Variants in USP37 observed in about 807,000 individuals in gnomAD.
The protein encoded by USP37 is ubiquitin specific peptidase 37.
USP37 carries 27 observed loss-of-function variants against 124.0 expected under a neutral mutation model. That is an observed-to-expected ratio of 0.22 (90% confidence interval 0.16 to 0.30). The LOEUF is 0.30. USP37 is among the 10% of genes least tolerant of loss of function. USP37 has a pLI of 1.00. For missense variants in USP37, 889 were observed against 1,140.4 expected (o/e 0.78, Z 3.17); for synonymous variants, 365 against 388.0 (o/e 0.94, Z 0.70).
At position 218,451,538 on chromosome 2, in the gene USP37, T is replaced by C. The variant is rs530286746; in HGVS notation, c.*3392A>G. 1 of 150,180 alleles carries C rather than the reference T, an allele frequency of 6.7e-6. No individual in the cohort carries two copies. The highest frequency in any genetic ancestry group is 2.0e-4 in the East Asian group (1 of 5,114). 9.3% of individuals were successfully genotyped at this position (150,180 alleles called of 1,614,324 possible). A position where few individuals can be genotyped will look rare whatever the true frequency, so the allele number is the denominator to read the frequency against. On this transcript the variant is annotated 3_prime_UTR_variant, in exon 26 of 26. Coordinates refer to ENST00000258399, the MANE Select transcript of USP37 (RefSeq NM_020935.3). ...AATGAGTTTACAAACTACTTTTTTT[T>C]CTCTTTAATTTAGGTGTTTGCAGAT...
intron 8 of USP37, among the ~76,000 whole-genome samples, chr2:218,544,430 T>TATATATATAGAGAGAGAGAGAGAG (rs377397246): frequency 2.0e-5 from 1 of 50,818 alleles, no homozygotes; most frequent in African/African-American, 1.3e-4. Flanking sequence ...TATATATATA[T>TATATATATAGAGAGAGAGAGAGAG]AGAGAGAGAG....
chr2:218,558,892 T>G (rs1207895871), intron 3 of USP37, among the ~76,000 whole-genome samples: 1 of 152,002 alleles, frequency 6.6e-6, no homozygotes, highest in Non-Finnish European at 1.5e-5. Context: ...GCTAAAGACA[T>G]GTCAACAGGA....
rs565257215 is a variant in USP37, at chr2:218,482,079, T to A, written c.1826A>T (p.His609Leu). ...KPPFTLGWSA[H>L]MAISRPLKAS... Reference sequence around the variant, plus strand: ...TCTCTCAAGGACTTACATTGCCATATGTGCACTCCAACCAAGGGTAAAAGG... The same window carrying A: ...TCTCTCAAGGACTTACATTGCCATAAGTGCACTCCAACCAAGGGTAAAAGG... The change falls in exon 17 of 26, where the codon CAT becomes CTT. Residue 609 changes from histidine (H) to leucine (L), a missense_variant. Coordinates refer to ENST00000258399, the MANE Select transcript of USP37 (RefSeq NM_020935.3). The A allele has an allele frequency of 1.2e-5, 19 of 1,611,302 alleles. No homozygotes were observed. The highest frequency in any genetic ancestry group is 1.7e-5 in the Admixed American group (1 of 59,798).
intron 22 of USP37, among the ~76,000 whole-genome samples, chr2:218,462,649 C>A (rs1210828035): frequency 6.6e-6 from 1 of 152,016 alleles, no homozygotes; most frequent in Non-Finnish European, 1.5e-5. Context: ...GTAACAGTGG[C>A]AAAATTATAA....
intron 11 of USP37, among the ~76,000 whole-genome samples, chr2:218,501,606 A>C (rs546104415): frequency 1.2e-4 from 18 of 152,296 alleles, no homozygotes; most frequent in African/African-American, 4.3e-4. Flanking sequence ...GAGTCCTACT[A>C]TTACCCAGAT....
chr2:218,490,058 T>C (rs994910063), intron 14 of USP37, among the ~76,000 whole-genome samples: 1 of 152,100 alleles, frequency 6.6e-6, no homozygotes, highest in Non-Finnish European at 1.5e-5. Flanking sequence ...GCTTTAAAAA[T>C]TCTACATGTT....
At chr2:218,564,611 T>C (rs1438438863) in intron 1 of USP37, among the ~76,000 whole-genome samples, 1 of 152,194 alleles carries the variant, frequency 6.6e-6, no homozygotes, top group Admixed American at 6.5e-5. Context: ...AACTGAACTA[T>C]GCACTAGGTA....
At chr2:218,480,505 T>A (rs543118815) in intron 17 of USP37, among the ~76,000 whole-genome samples, 2 of 151,766 alleles carry the variant, frequency 1.3e-5, no homozygotes, top group South Asian at 2.1e-4. Context: ...TAGACAGCAC[T>A]GGAAATGAAG....
At chr2:218,465,316 T>C (rs977044929) in intron 21 of USP37, among the ~76,000 whole-genome samples, 2 of 151,044 alleles carry the variant, frequency 1.3e-5, no homozygotes, top group African/African-American at 4.9e-5. Context: ...GTGGCTCACA[T>C]CTGTAGTCCT....
intron 8 of USP37, among the ~76,000 whole-genome samples, chr2:218,544,207 C>T (rs1692166894): frequency 6.6e-6 from 1 of 151,416 alleles, no homozygotes; most frequent in Non-Finnish European, 1.5e-5. Flanking sequence ...TGGTGAAACC[C>T]TGTCTCTACT....
intron 7 of USP37, among the ~76,000 whole-genome samples, chr2:218,546,698 C>T (rs112849013): frequency 3.9e-4 from 60 of 152,244 alleles, no homozygotes; most frequent in African/African-American, 1.3e-3. Context: ...GGATTACAGG[C>T]GTGAGCTATC....
At chr2:218,548,396 A>T (rs1217453202) in intron 6 of USP37, among the ~76,000 whole-genome samples, 1 of 148,280 alleles carries the variant, frequency 6.7e-6, no homozygotes, top group Non-Finnish European at 1.5e-5. Flanking sequence ...GCTGGAGTGC[A>T]GTGGCACAAT....
At chr2:218,497,682 C>T (rs900443642) in intron 13 of USP37, 52 bp downstream of exon 13, 8 of 1,603,236 alleles carry the variant, frequency 5.0e-6, no homozygotes, top group Admixed American at 1.7e-5. Flanking sequence ...GAATTACAGA[C>T]GTGAGCCACC....
In USP37 at chr2:218,463,383, A is replaced by G. The variant is rs774427265; in HGVS notation, c.2467-17T>C. The G allele has an allele frequency of 6.2e-6, 10 of 1,612,850 alleles. No homozygotes were observed. In the South Asian group the frequency reaches 6.6e-5, roughly 11 times the overall value. On this transcript the variant is annotated splice_polypyrimidine_tract_variant and intron_variant, in intron 21 of 25. Coordinates refer to ENST00000258399, the MANE Select transcript of USP37 (RefSeq NM_020935.3). ...CCAAGCCTCCTAAAGGGAAAAGAACAAAAACTAAGGTATTTAAAGAGGTAC... is the reference window on the plus strand; with the variant it reads ...CCAAGCCTCCTAAAGGGAAAAGAACGAAAACTAAGGTATTTAAAGAGGTAC...
rs866100960 is a variant in USP37 at position 218,549,838 on chromosome 2, T to C, written c.400A>G (p.Ser134Gly). The change falls in exon 6 of 26, where the codon AGC (serine) becomes GGC (glycine). Residue 134 changes from serine to glycine, a missense_variant. Ser to Gly is a moderately conservative substitution (Grantham distance 56). Coordinates refer to ENST00000258399, the MANE Select transcript of USP37 (RefSeq NM_020935.3). The stretch of plus-strand genomic sequence containing the variant: ...TTGTCTGAGTAAGAAAGCTGCCTGC[T>C]GGTTTCCTTCTGTGAGGTCCTGCTG... Reference protein sequence around the residue: ...LGSRTSQKETSRQLSYSDNQA... With the variant: ...LGSRTSQKETGRQLSYSDNQA... 9.3e-6 allele frequency: 15 copies of C among 1,613,116 alleles called. No homozygotes were observed. The Middle Eastern group carries it at 8.2e-4, about 88-fold the overall frequency.
intron 15 of USP37, chr2:218,485,992 T>C (rs968723314): frequency 2.2e-5 from 9 of 405,150 alleles, no homozygotes; most frequent in South Asian, 6.4e-5. Context: ...AAATTTATGA[T>C]AGTAACTAGA....
intron 2 of USP37, among the ~76,000 whole-genome samples, chr2:218,561,856 C>G (rs1693330377): frequency 6.6e-6 from 1 of 152,114 alleles, no homozygotes; most frequent in Non-Finnish European, 1.5e-5. Context: ...ATAAAACCCC[C>G]AAATCCTTCT....
rs1202551075 is a variant in USP37 at position 218,544,420 on chromosome 2, T to TAGAGAGAGAG, written c.680+1800_680+1801insCTCTCTCTCT. On this transcript the variant is annotated intron_variant, in intron 8 of 25. Transcript: ENST00000258399. ...AAAAAAAAAAAAATATATATATATA[T>TAGAGAGAGAG]ATATATATATAGAGAGAGAGAGAGA... 1.5e-4 allele frequency among the ~76,000 whole-genome samples: 8 copies of TAGAGAGAGAG among 53,328 alleles called. No individual in the cohort carries two copies. In the Admixed American group the frequency reaches 1.6e-3, roughly 11 times the overall value. The allele number at this position is 53,328 out of a possible 152,430, so 35.0% of individuals were successfully genotyped here. A position where few individuals can be genotyped will look rare whatever the true frequency, so the allele number is the denominator to read the frequency against.
intron 15 of USP37, 61 bp downstream of exon 15, chr2:218,488,243 C>G (rs1158403213): frequency 2.2e-6 from 2 of 916,062 alleles, no homozygotes; most frequent in East Asian, 3.1e-5. Context: ...TTCAAATATT[C>G]AAATACAACT....
Sources: gnomAD v4.1 joint callset for allele counts (sites outside exome capture counted in the v4.1 genomes callset) on GRCh38, gnomAD v4.1.1 for gene constraint, MANE v1.5 for transcripts, NCBI Gene and HGNC (gene_info 2026-07-23, HGNC 2026-07-21) for gene names.